Variants in ARL6IP5 observed in about 807,000 individuals in gnomAD.
The protein encoded by ARL6IP5 is PRA1 family protein 3.
A neutral mutation model predicts 13.0 loss-of-function variants in ARL6IP5; 6 were observed. That is an observed-to-expected ratio of 0.46 (90% CI 0.25 to 0.91). The LOEUF (loss-of-function observed/expected upper bound fraction) is 0.91, where lower values mean the gene tolerates loss of function less well. ARL6IP5 is among the 40% of genes least tolerant of loss of function. The probability of loss-of-function intolerance (pLI) is 0.17; values close to 1 mark genes in which losing one functional copy is unlikely to be tolerated. For missense variants in ARL6IP5, 208 were observed against 248.8 expected (o/e 0.84, Z 1.10); for synonymous variants, 91 against 91.9 (o/e 0.99, Z 0.06).
intron 1 of ARL6IP5, among the ~76,000 whole-genome samples, chr3:69,086,335 GAA>G (rs1468493474): frequency 6.6e-6 from 1 of 152,198 alleles, no homozygotes. Flanking sequence ...AATCAGACTT[GAA>G]TTCTGGCCCA....
Position 69,084,965 on chromosome 3 carries a change from C to T in ARL6IP5, c.-83C>T. 6.5e-7 allele frequency: 1 copy of T among 1,531,388 alleles called. No homozygotes were observed. The highest frequency in any genetic ancestry group is 8.8e-7 in the Non-Finnish European group (1 of 1,135,062). 94.9% of individuals were successfully genotyped at this position (1,531,388 alleles called of 1,614,324 possible). A position where few individuals can be genotyped will look rare whatever the true frequency, so the allele number is the denominator to read the frequency against. ...AAGCCGACCGAGACGGAGCCGCTGT[C>T]AACTCTCCAACTCAGCTCAGCTGAT... On this transcript the variant is annotated 5_prime_UTR_variant, in exon 1 of 3. Transcript: ENST00000273258.
chr3:69,103,539 G>A (rs72924854), intron 2 of ARL6IP5, among the ~76,000 whole-genome samples: 9,724 of 152,236 alleles, frequency 0.064, 769 homozygotes, highest in East Asian at 0.32. Context: ...TTTTTAGAAA[G>A]CTCGTCAACT....
Position 69,101,755 on chromosome 3 carries a change from A to G in ARL6IP5, c.177-84A>G, listed in dbSNP as rs927121566. On this transcript the variant is annotated intron_variant, in intron 1 of 2. Transcript: ENST00000273258. ...GTATTAAAGTATTAGTAAGTTCTCAATAATTGTTTTTACTCCTCTTTCTCC... is the reference window on the plus strand; with the variant it reads ...GTATTAAAGTATTAGTAAGTTCTCAGTAATTGTTTTTACTCCTCTTTCTCC... 21 of 1,166,426 alleles carry G rather than the reference A, an allele frequency of 1.8e-5. No homozygotes were observed. The African/African-American group carries it at 2.0e-4, about 11-fold the overall frequency. The allele number at this position is 1,166,426 out of a possible 1,614,324, so 72.3% of individuals were successfully genotyped here.
intron 2 of ARL6IP5, among the ~76,000 whole-genome samples, chr3:69,102,913 C>T (rs1385771492): frequency 6.6e-6 from 1 of 152,182 alleles, no homozygotes; most frequent in African/African-American, 2.4e-5. Flanking sequence ...AGACTCCAAA[C>T]ACTTGAAGCC....
intron 2 of ARL6IP5, 70 bp downstream of exon 2, chr3:69,102,126 T>C (rs2092307710): frequency 1.3e-6 from 2 of 1,523,450 alleles, no homozygotes; most frequent in East Asian, 2.3e-5. Flanking sequence ...GGGAATTCCA[T>C]AACCCATTTC....
rs2092294248 is a variant in ARL6IP5, at chr3:69,098,483, G to A, written c.177-3356G>A. Among the ~76,000 whole-genome samples, 6 of 152,108 alleles carry A rather than the reference G, an allele frequency of 3.9e-5. No homozygotes were observed. In the South Asian group the frequency reaches 1.2e-3, roughly 32 times the overall value. On this transcript the variant is annotated intron_variant, in intron 1 of 2. Coordinates refer to ENST00000273258, the MANE Select transcript of ARL6IP5 (RefSeq NM_006407.4). ...TGGTCTTGAACTCCTGACCTCAGGT[G>A]ATCTGCCCGCCTCAGCCTCCCAAAG...
chr3:69,085,801 CTG>C (rs1446338472), intron 1 of ARL6IP5, among the ~76,000 whole-genome samples: 4 of 152,156 alleles, frequency 2.6e-5, no homozygotes, highest in Non-Finnish European at 4.4e-5. Context: ...GCTGCCATGA[CTG>C]TGGGAAGATG....
Position 69,104,735 on chromosome 3 carries a change from C to A in ARL6IP5, c.*99C>A. The stretch of plus-strand genomic sequence containing the variant: ...TTGCGTTTTTGAAACAGGAGGTGCA[C>A]GTACCACCCAATTATCTATGGCAGC... On this transcript the variant is annotated 3_prime_UTR_variant, in exon 3 of 3. Coordinates refer to ENST00000273258, the MANE Select transcript of ARL6IP5 (RefSeq NM_006407.4). 1 of 1,301,162 alleles carries A rather than the reference C, an allele frequency of 7.7e-7. No homozygotes were observed. The highest frequency in any genetic ancestry group is 1.1e-6 in the Non-Finnish European group (1 of 918,594). 80.6% of individuals were successfully genotyped at this position (1,301,162 alleles called of 1,614,324 possible).
intron 2 of ARL6IP5, 42 bp from the exon 3 acceptor site, chr3:69,104,422 G>T: frequency 6.4e-7 from 1 of 1,571,626 alleles, no homozygotes; most frequent in Non-Finnish European, 8.7e-7. Flanking sequence ...TGGCAAAAGA[G>T]AATTGTTGCT....
At chr3:69,100,710 G>A (rs572350920) in intron 1 of ARL6IP5, among the ~76,000 whole-genome samples, 183 of 151,884 alleles carry the variant, frequency 1.2e-3, no homozygotes, top group African/African-American at 3.7e-3. Flanking sequence ...GAACCCAGGA[G>A]GCAGAGGTTG....
intron 1 of ARL6IP5, among the ~76,000 whole-genome samples, chr3:69,088,512 G>T (rs2107510324): frequency 6.6e-6 from 1 of 152,316 alleles, no homozygotes; most frequent in South Asian, 2.1e-4. Flanking sequence ...AAGATTTCAG[G>T]AAGGGTGAGG....
At chr3:69,099,804 C>T (rs1265526526) in intron 1 of ARL6IP5, among the ~76,000 whole-genome samples, 3 of 152,184 alleles carry the variant, frequency 2.0e-5, no homozygotes, top group Non-Finnish European at 4.4e-5. Context: ...TCATTAGCCT[C>T]TAGGGTAAAA....
At chr3:69,093,972 G>A (rs2092278606) in intron 1 of ARL6IP5, among the ~76,000 whole-genome samples, 1 of 152,094 alleles carries the variant, frequency 6.6e-6, no homozygotes, top group African/African-American at 2.4e-5. Flanking sequence ...AAAAGAAAAG[G>A]CATATGGAGC....
Position 69,104,685 on chromosome 3 carries a change from G to A in ARL6IP5, c.*49G>A, listed in dbSNP as rs776024281. The A allele has an allele frequency of 1.3e-6, 2 of 1,596,138 alleles. No homozygotes were observed. The highest frequency in any genetic ancestry group is 4.5e-5 in the East Asian group (2 of 44,560). ...TGCAGCAGAAATTGAGTTGCAGCTT[G>A]CCCTTGTCCAGACCTATGTTCTGCT... On this transcript the variant is annotated 3_prime_UTR_variant, in exon 3 of 3. Transcript: ENST00000273258.
chr3:69,093,493 C>G (rs562395094), intron 1 of ARL6IP5, among the ~76,000 whole-genome samples: 2 of 152,162 alleles, frequency 1.3e-5, no homozygotes, highest in South Asian at 2.1e-4. Flanking sequence ...CACATTTATG[C>G]CTATAGTCAA....
At chr3:69,099,749 A>G (rs143118856) in intron 1 of ARL6IP5, among the ~76,000 whole-genome samples, 511 of 152,264 alleles carry the variant, frequency 3.4e-3, no homozygotes, top group African/African-American at 0.012. Flanking sequence ...TATTCAGGGC[A>G]TGAGGAGAAC....
chr3:69,098,367 CCG>C (rs2092293794), intron 1 of ARL6IP5, among the ~76,000 whole-genome samples: 1 of 151,768 alleles, frequency 6.6e-6, no homozygotes, highest in African/African-American at 2.4e-5. Flanking sequence ...GCCTCAGCCT[CCG>C]AGTAGCTGAG....
At chr3:69,089,805 C>T (rs765967533) in intron 1 of ARL6IP5, 4 of 456,530 alleles carry the variant, frequency 8.8e-6, no homozygotes, top group Non-Finnish European at 1.8e-5. Flanking sequence ...TGTGCCTCCC[C>T]CTTTAGATAG....
chr3:69,085,315 GA>G (rs2092244221), intron 1 of ARL6IP5, 92 bp downstream of exon 1: 2 of 1,450,328 alleles, frequency 1.4e-6, no homozygotes, highest in African/African-American at 1.4e-5. Context: ...GACGCTCTCT[GA>G]CCACGCTCAG....
Sources: gnomAD v4.1 joint callset for allele counts (sites outside exome capture counted in the v4.1 genomes callset) on GRCh38, gnomAD v4.1.1 for gene constraint, MANE v1.5 for transcripts, NCBI Gene and HGNC (gene_info 2026-07-23, HGNC 2026-07-21) for gene names.